Variants in RUFY3 observed in about 807,000 individuals in gnomAD.
RUFY3 encodes protein RUFY3.
A neutral mutation model predicts 84.0 loss-of-function variants in RUFY3; 34 were observed. The observed-to-expected ratio is 0.40, with a 90% CI of 0.31 to 0.54. The LOEUF is 0.54. Ranked by LOEUF, RUFY3 falls within the 20% of genes least tolerant of loss-of-function variation. The probability of loss-of-function intolerance (pLI) is 0.39; values close to 1 mark genes in which losing one functional copy is unlikely to be tolerated. For missense variants in RUFY3, 507 were observed against 736.8 expected, an observed-to-expected ratio of 0.69 and a Z score of 3.61; for synonymous variants, 242 against 252.9, an observed-to-expected ratio of 0.96 and a Z score of 0.41.
At chr4:70,732,935 C>T (rs1243045218) in intron 1 of RUFY3, among the ~76,000 whole-genome samples, 1 of 151,788 alleles carries the variant, frequency 6.6e-6, no homozygotes, top group Non-Finnish European at 1.5e-5. Flanking sequence ...GGTGCAGTGG[C>T]GGGCGCCTGT....
rs57491168 is a variant in RUFY3, at chr4:70,739,844, A to AT, written c.178+17093_178+17094insT. On this transcript the variant is annotated intron_variant, in intron 1 of 17. Transcript: ENST00000381006. ...CTTAAAGTATAAAAAAAAAAAAAAA[A>AT]GCCGGGTGCAGTGGGGGACGCCTAT... 3.3e-3 allele frequency among the ~76,000 whole-genome samples: 504 copies of AT among 151,164 alleles called. 21 individuals carry two copies. In the East Asian group the frequency reaches 0.083, roughly 25 times the overall value.
Position 70,760,736 on chromosome 4 carries a change from C to T in RUFY3, c.179-1783C>T, listed in dbSNP as rs77330235. ...CTTGACAAGTTGATCTACATTTAAG[C>T]TATGGCCACATTTAAACTATGGCCC... On this transcript the variant is annotated intron_variant, in intron 1 of 17. Coordinates refer to ENST00000381006, the MANE Select transcript of RUFY3 (RefSeq NM_001037442.4). Among the ~76,000 whole-genome samples the T allele has an allele frequency of 4.4e-4, 67 of 152,290 alleles. 1 individual carries two copies. In the East Asian group the frequency reaches 0.012, roughly 28 times the overall value.
intron 4 of RUFY3, 41 bp from the exon 5 acceptor site, chr4:70,768,496 GA>G: frequency 6.3e-7 from 1 of 1,598,058 alleles, no homozygotes. Flanking sequence ...GGATTTTTGA[GA>G]TTTTTGTTAC....
At chr4:70,734,310 ATTG>A (rs1719923940) in intron 1 of RUFY3, 1 of 653,254 alleles carries the variant, frequency 1.5e-6, no homozygotes, top group Non-Finnish European at 1.9e-6. Context: ...GAATTGTGTT[ATTG>A]TTCTTTGCTT....
At chr4:70,792,284 A>G in intron 12 of RUFY3, 1 of 983,566 alleles carries the variant, frequency 1.0e-6, no homozygotes, top group African/African-American at 1.7e-5. Flanking sequence ...TTTTGTTCAG[A>G]TGGGGATTTG....
chr4:70,797,585 C>T (rs2148814252), intron 14 of RUFY3, among the ~76,000 whole-genome samples: 1 of 152,284 alleles, frequency 6.6e-6, no homozygotes, highest in Middle Eastern at 3.4e-3. Flanking sequence ...TGGCTCACAC[C>T]TGTAATCCCA....
At chr4:70,714,206 C>T (rs73824860) in intron 1 of RUFY3, among the ~76,000 whole-genome samples, 5,826 of 152,224 alleles carry the variant, frequency 0.038, 147 homozygotes, top group Middle Eastern at 0.065. Context: ...CATCACCTCC[C>T]GTAACTGGAA....
Position 70,806,951 on chromosome 4 carries a change from A to T in RUFY3, c.*292A>T, listed in dbSNP as rs1416125958. The T allele has an allele frequency of 2.5e-5, 6 of 238,168 alleles. No homozygotes were observed. The highest frequency in any genetic ancestry group is 2.4e-5 in the Non-Finnish European group (3 of 123,310). 14.8% of individuals were successfully genotyped at this position (238,168 alleles called of 1,614,324 possible). A position where few individuals can be genotyped will look rare whatever the true frequency, so the allele number is the denominator to read the frequency against. ...ATCTTTGGAAAGGCAACTCATTTTT[A>T]TGATTAGTGATACTGGGGTGGATTT... On this transcript the variant is annotated 3_prime_UTR_variant, in exon 18 of 18. Coordinates refer to ENST00000381006, the MANE Select transcript of RUFY3 (RefSeq NM_001037442.4).
At chr4:70,728,305 T>G (rs1167376292) in intron 1 of RUFY3, among the ~76,000 whole-genome samples, 1 of 152,200 alleles carries the variant, frequency 6.6e-6, no homozygotes, top group African/African-American at 2.4e-5. Flanking sequence ...ATCGTGTGGC[T>G]GACTAGGATG....
intron 1 of RUFY3, among the ~76,000 whole-genome samples, chr4:70,723,592 C>G (rs1167321579): frequency 1.3e-5 from 2 of 152,054 alleles, no homozygotes; most frequent in Non-Finnish European, 2.9e-5. Context: ...TCTCTTAATA[C>G]CACAGAAAGA....
rs1356731168 is a variant in RUFY3, at chr4:70,794,787, T to C, written c.1458-8T>C. 6 of 1,591,052 alleles carry C rather than the reference T, an allele frequency of 3.8e-6. No individual in the cohort carries two copies. The highest frequency in any genetic ancestry group is 3.4e-6 in the Non-Finnish European group (4 of 1,160,350). On this transcript the variant is annotated splice_region_variant and splice_polypyrimidine_tract_variant and intron_variant, in intron 13 of 17. Transcript: ENST00000381006. Reference sequence around the variant, plus strand: ...TTTTTCATCCTTTTCCTCTCCAACTTACCTCAGGAACCAGCTTGAGTTAGA... The same window carrying C: ...TTTTTCATCCTTTTCCTCTCCAACTCACCTCAGGAACCAGCTTGAGTTAGA...
intron 1 of RUFY3, among the ~76,000 whole-genome samples, chr4:70,744,371 T>C (rs969072017): frequency 1.3e-5 from 2 of 151,136 alleles, no homozygotes; most frequent in Non-Finnish European, 2.9e-5. Context: ...TGTATGTATG[T>C]ATGTATGTAT....
intron 4 of RUFY3, among the ~76,000 whole-genome samples, chr4:70,767,146 CA>C (rs1726083347): frequency 6.6e-6 from 1 of 151,756 alleles, no homozygotes. Context: ...AGTGCAGTGG[CA>C]CGATCTCAGC....
chr4:70,747,256 T>C (rs759214094), intron 1 of RUFY3, among the ~76,000 whole-genome samples: 4 of 152,218 alleles, frequency 2.6e-5, no homozygotes, highest in Non-Finnish European at 4.4e-5. Context: ...TTTAAACTTA[T>C]TTGACACAAG....
At chr4:70,795,081 C>A (rs562047620) in intron 14 of RUFY3, among the ~76,000 whole-genome samples, 187 bp downstream of exon 14, 1 of 152,266 alleles carries the variant, frequency 6.6e-6, no homozygotes, top group East Asian at 1.9e-4. Flanking sequence ...CTCTAGGATA[C>A]TTTCTCCAAC....
At chr4:70,756,698 C>T (rs1724076882) in intron 1 of RUFY3, among the ~76,000 whole-genome samples, 2 of 152,098 alleles carry the variant, frequency 1.3e-5, no homozygotes. Flanking sequence ...ACACGGGGCC[C>T]CTAAAATTGA....
At position 70,806,733 on chromosome 4, in the gene RUFY3, C is replaced by T. The variant is rs1220563315; in HGVS notation, c.*74C>T. ...ACCTGTGTTTTAGCTGTCAGGATCT[C>T]ATAGAGCCCAGTTCTTAGAGTCAAC... On this transcript the variant is annotated 3_prime_UTR_variant, in exon 18 of 18. Coordinates refer to ENST00000381006, the MANE Select transcript of RUFY3 (RefSeq NM_001037442.4). The T allele has an allele frequency of 1.9e-6, 3 of 1,546,816 alleles. No individual in the cohort carries two copies. Among genetic ancestry groups the T allele is most frequent in the African/African-American group, 2.7e-5 (2 of 73,104 alleles).
intron 12 of RUFY3, among the ~76,000 whole-genome samples, chr4:70,790,326 G>A (rs144411463): frequency 2.2e-4 from 34 of 152,316 alleles, no homozygotes; most frequent in Middle Eastern, 3.4e-3. Flanking sequence ...AAGGATGAAT[G>A]TGACGTGGTA....
chr4:70,797,368 T>C (rs2148813946), intron 14 of RUFY3, among the ~76,000 whole-genome samples: 1 of 152,376 alleles, frequency 6.6e-6, no homozygotes, highest in East Asian at 1.9e-4. Context: ...CCATGCACAG[T>C]CTTTTCGTAA....
Sources: gnomAD v4.1 joint callset for allele counts (sites outside exome capture counted in the v4.1 genomes callset) on GRCh38, gnomAD v4.1.1 for gene constraint, MANE v1.5 for transcripts, NCBI Gene and HGNC (gene_info 2026-07-23, HGNC 2026-07-21) for gene names.